Variants in FANK1 observed in about 807,000 individuals in gnomAD.
The protein encoded by FANK1 is fibronectin type 3 and ankyrin repeat domains protein 1.
Under a neutral mutation model 45.3 loss-of-function variants are expected in FANK1, and 44 were observed. That is an observed-to-expected ratio of 0.97 (90% CI 0.76 to 1.25). The LOEUF (loss-of-function observed/expected upper bound fraction) is 1.25. FANK1 is among the 50% of genes most tolerant of loss of function. FANK1 has a pLI of 0.00. For missense variants in FANK1, 391 were observed against 424.4 expected, an observed-to-expected ratio of 0.92 and a Z score of 0.69; for synonymous variants, 149 against 152.5, an observed-to-expected ratio of 0.98 and a Z score of 0.17.
intron 1 of FANK1, among the ~76,000 whole-genome samples, chr10:125,934,202 C>A (rs1947929371): frequency 6.6e-6 from 1 of 152,076 alleles, no homozygotes. Flanking sequence ...TAAAATTGTG[C>A]TGTATTTAAA....
chr10:125,997,558 G>T, intron 6 of FANK1, 73 bp downstream of exon 6: 1 of 1,413,466 alleles, frequency 7.1e-7, no homozygotes, highest in South Asian at 1.3e-5. Context: ...GCCCAGAGGG[G>T]TTGTGATTTC....
chr10:125,956,851 A>G (rs1234896094), intron 1 of FANK1, among the ~76,000 whole-genome samples: 1 of 152,170 alleles, frequency 6.6e-6, no homozygotes, highest in Non-Finnish European at 1.5e-5. Context: ...TCGGGGTAGT[A>G]TAGGCTTCTA....
chr10:125,998,291 C>T (rs1330191255), intron 6 of FANK1, among the ~76,000 whole-genome samples: 2 of 152,214 alleles, frequency 1.3e-5, no homozygotes, highest in East Asian at 1.9e-4. Flanking sequence ...TTGAAGAAAA[C>T]CCCAACTAAC....
At chr10:125,935,046 G>A (rs1948006583) in intron 1 of FANK1, among the ~76,000 whole-genome samples, 1 of 152,090 alleles carries the variant, frequency 6.6e-6, no homozygotes, top group African/African-American at 2.4e-5. Context: ...CTGCCTGGGG[G>A]TGTGGGCAGA....
At chr10:125,969,453 A>G (rs1031708717) in intron 1 of FANK1, among the ~76,000 whole-genome samples, 5 of 152,120 alleles carry the variant, frequency 3.3e-5, no homozygotes, top group African/African-American at 7.2e-5. Flanking sequence ...AGTTGTGTCT[A>G]TGAATGTGTA....
intron 7 of FANK1, among the ~76,000 whole-genome samples, 191 bp downstream of exon 7, chr10:126,005,240 T>C (rs959824343): frequency 5.9e-5 from 9 of 151,760 alleles, no homozygotes; most frequent in Admixed American, 2.0e-4. Flanking sequence ...GTCATGGGGG[T>C]TTATCTTGTG....
intron 1 of FANK1, among the ~76,000 whole-genome samples, chr10:125,897,525 G>A (rs77086183): frequency 2.4e-5 from 3 of 125,542 alleles, no homozygotes; most frequent in African/African-American, 8.4e-5. Flanking sequence ...GTCTTATCTT[G>A]TACAATTTCA....
chr10:125,962,157 CT>C (rs1158598748), intron 1 of FANK1, among the ~76,000 whole-genome samples: 1 of 152,130 alleles, frequency 6.6e-6, no homozygotes, highest in East Asian at 1.9e-4. Context: ...AATCTGAATA[CT>C]TTAAAGGCAT....
chr10:125,939,725 A>G (rs1948325623), intron 1 of FANK1, among the ~76,000 whole-genome samples: 1 of 152,162 alleles, frequency 6.6e-6, no homozygotes, highest in Non-Finnish European at 1.5e-5. Flanking sequence ...CCAAAGAATG[A>G]TGAAGAGGCA....
chr10:125,938,336 A>G (rs1321650823), intron 1 of FANK1, among the ~76,000 whole-genome samples: 1 of 152,182 alleles, frequency 6.6e-6, no homozygotes, highest in Non-Finnish European at 1.5e-5. Context: ...TCTAGAAACA[A>G]TGATTGCCCA....
At chr10:126,003,329 G>A (rs1014498208) in intron 6 of FANK1, among the ~76,000 whole-genome samples, 4 of 152,004 alleles carry the variant, frequency 2.6e-5, no homozygotes, top group Non-Finnish European at 4.4e-5. Flanking sequence ...TTGGGAGGCC[G>A]AGGCAGGAAG....
At chr10:125,923,343 G>C (rs969070948) in intron 1 of FANK1, among the ~76,000 whole-genome samples, 1 of 151,328 alleles carries the variant, frequency 6.6e-6, no homozygotes, top group African/African-American at 2.4e-5. Context: ...TGCCTGTAGT[G>C]TGAGCTACTT....
At chr10:125,925,584 A>G (rs940674769) in intron 1 of FANK1, among the ~76,000 whole-genome samples, 4 of 152,076 alleles carry the variant, frequency 2.6e-5, no homozygotes, top group South Asian at 2.1e-4. Context: ...TTCTTTAGAG[A>G]TAGAGTTTGG....
intron 1 of FANK1, among the ~76,000 whole-genome samples, chr10:125,911,608 A>C (rs1318735136): frequency 6.6e-6 from 1 of 152,044 alleles, no homozygotes; most frequent in African/African-American, 2.4e-5. Flanking sequence ...TTGTTAAATC[A>C]CTCTCCTCTA....
intron 1 of FANK1, among the ~76,000 whole-genome samples, chr10:125,961,099 T>C (rs900511252): frequency 1.3e-5 from 2 of 152,296 alleles, no homozygotes; most frequent in South Asian, 4.1e-4. Context: ...TACAGCCAAC[T>C]GCTTTTTAAA....
At chr10:125,985,647 G>T (rs979325664) in intron 2 of FANK1, among the ~76,000 whole-genome samples, 1 of 152,026 alleles carries the variant, frequency 6.6e-6, no homozygotes, top group African/African-American at 2.4e-5. Context: ...TCAGTTATCT[G>T]CTGCATGACA....
At chr10:125,960,429 G>A in intron 1 of FANK1, 1 of 182,782 alleles carries the variant, frequency 5.5e-6, no homozygotes, top group Non-Finnish European at 1.2e-5. Flanking sequence ...GTGCTCCAAG[G>A]GTGGTTGAGC....
chr10:125,997,323 C>T (rs1952409209), intron 5 of FANK1, 97 bp from the exon 6 acceptor site: 1 of 891,824 alleles, frequency 1.1e-6, no homozygotes, highest in Non-Finnish European at 1.7e-6. Flanking sequence ...TTGAAAGATA[C>T]ATCTTGGATG....
At chr10:125,944,251 C>T (rs901022155) in intron 1 of FANK1, among the ~76,000 whole-genome samples, 2 of 152,132 alleles carry the variant, frequency 1.3e-5, no homozygotes, top group Non-Finnish European at 2.9e-5. Context: ...TATTTGAGTT[C>T]CCACTTTATT....
Sources: allele counts gnomAD v4.1 joint callset (sites outside exome capture counted in the v4.1 genomes callset), GRCh38; gene constraint gnomAD v4.1.1; transcripts MANE v1.5; gene names NCBI Gene and HGNC (gene_info 2026-07-23, HGNC 2026-07-21).